Variants in KCNQ5 observed in about 807,000 individuals in gnomAD.
KCNQ5 encodes the protein potassium voltage-gated channel subfamily Q member 5.
KCNQ5 carries 30 observed loss-of-function variants against 98.2 expected under a neutral mutation model. The ratio of observed to expected loss-of-function variants is 0.31; its 90% CI spans 0.23 to 0.41. The LOEUF (loss-of-function observed/expected upper bound fraction) is 0.41, where lower values mean the gene tolerates loss of function less well. Among genes scored for constraint, KCNQ5 ranks in the 10% least tolerant of loss-of-function variants. The pLI is 1.00. For missense variants in KCNQ5, 835 were observed against 1,182.5 expected (o/e 0.71, Z 4.31); for synonymous variants, 458 against 449.4 (o/e 1.02, Z -0.24).
At chr6:73,048,336 C>T (rs1408914234) in intron 3 of KCNQ5, among the ~76,000 whole-genome samples, 2 of 152,144 alleles carry the variant, frequency 1.3e-5, no homozygotes, top group East Asian at 3.8e-4. Context: ...ATTATTAACA[C>T]TTGATGAGCT....
At position 72,755,037 on chromosome 6, in the gene KCNQ5, T is replaced by A. The variant is rs76492390; in HGVS notation, c.398+132450T>A. 4.3e-3 allele frequency among the ~76,000 whole-genome samples: 659 copies of A among 152,146 alleles called. 12 individuals carry two copies. The highest frequency in any genetic ancestry group is 0.034 in the East Asian group (174 of 5,182). ...TTATGAAGTTCTGTTGTTAAATATATTCAGGTTTTTACATATTATTAAAGA... is the reference window on the plus strand; with the variant it reads ...TTATGAAGTTCTGTTGTTAAATATAATCAGGTTTTTACATATTATTAAAGA... On this transcript the variant is annotated intron_variant, in intron 1 of 13. Coordinates refer to ENST00000370398, the MANE Select transcript of KCNQ5 (RefSeq NM_019842.4).
intron 1 of KCNQ5, among the ~76,000 whole-genome samples, chr6:72,681,824 C>T (rs1767725344): frequency 6.6e-6 from 1 of 152,210 alleles, no homozygotes; most frequent in Admixed American, 6.5e-5. Flanking sequence ...GTGCCCCTTT[C>T]TGACTTATAG....
intron 1 of KCNQ5, among the ~76,000 whole-genome samples, chr6:72,779,607 A>C (rs976583632): frequency 6.6e-6 from 1 of 152,094 alleles, no homozygotes; most frequent in Non-Finnish European, 1.5e-5. Context: ...CCGAGGAAAA[A>C]AATAAGAAGA....
At chr6:73,056,598 T>C (rs1304931603) in intron 3 of KCNQ5, among the ~76,000 whole-genome samples, 2 of 152,144 alleles carry the variant, frequency 1.3e-5, no homozygotes, top group Non-Finnish European at 2.9e-5. Context: ...CCCTGCCTTG[T>C]TTCATGGCAG....
chr6:72,971,641 T>A (rs868217589), intron 1 of KCNQ5, among the ~76,000 whole-genome samples: 1 of 152,342 alleles, frequency 6.6e-6, no homozygotes, highest in African/African-American at 2.4e-5. Flanking sequence ...ATATACACCA[T>A]GGAATACTTT....
chr6:72,700,291 ATATCTATCTATCTATCTATC>A (rs70994146), intron 1 of KCNQ5, among the ~76,000 whole-genome samples: 141 of 149,176 alleles, frequency 9.5e-4, no homozygotes, highest in African/African-American at 3.0e-3. Context: ...CTATATATCT[ATATCTATCTATCTATCTATC>A]TATCTATCTA....
At chr6:72,784,099 T>C (rs4707991) in intron 1 of KCNQ5, among the ~76,000 whole-genome samples, 112,857 of 152,040 alleles carry the variant, frequency 0.74, 42,721 homozygotes, top group African/African-American at 0.9. Flanking sequence ...GGCAATCTCA[T>C]CCCTCCTCGA....
chr6:72,883,475 T>G (rs1274669857), intron 1 of KCNQ5, among the ~76,000 whole-genome samples: 1 of 152,144 alleles, frequency 6.6e-6, no homozygotes, highest in Non-Finnish European at 1.5e-5. Flanking sequence ...AGATTCCTCT[T>G]GGAAATTCAG....
intron 1 of KCNQ5, chr6:72,987,423 T>C: frequency 1.4e-6 from 1 of 694,692 alleles, no homozygotes; most frequent in South Asian, 1.4e-5. Flanking sequence ...GGGAACCTAG[T>C]TTGGCCAGTG....
intron 1 of KCNQ5, among the ~76,000 whole-genome samples, chr6:72,784,113 G>A (rs113827366): frequency 1.3e-5 from 2 of 152,042 alleles, no homozygotes; most frequent in African/African-American, 2.4e-5. Context: ...TCCTCGAATC[G>A]TCAACCCTTC....
rs1189349638 is a variant in KCNQ5, at chr6:73,108,680, A to G, written c.1030-2628A>G. 2.0e-5 allele frequency among the ~76,000 whole-genome samples: 3 copies of G among 152,064 alleles called. No individual in the cohort carries two copies. The East Asian group carries it at 5.8e-4, about 29-fold the overall frequency. ...TATCTACTAAAAAATACAAAAAATC[A>G]GCCAGGCGTGGTGGCGGGCACCTGT... On this transcript the variant is annotated intron_variant, in intron 6 of 13. Transcript: ENST00000370398.
intron 1 of KCNQ5, among the ~76,000 whole-genome samples, chr6:72,811,153 C>A (rs201793335): frequency 6.6e-6 from 1 of 152,178 alleles, no homozygotes; most frequent in African/African-American, 2.4e-5. Flanking sequence ...AGCCTTCGTG[C>A]AAAATAAGCT....
chr6:73,057,511 A>G (rs920985728), intron 3 of KCNQ5, among the ~76,000 whole-genome samples: 1 of 152,106 alleles, frequency 6.6e-6, no homozygotes, highest in African/African-American at 2.4e-5. Context: ...AAAATTTAAA[A>G]AATGAATAAA....
chr6:73,130,108 G>T (rs1299110634), intron 9 of KCNQ5, among the ~76,000 whole-genome samples: 1 of 152,230 alleles, frequency 6.6e-6, no homozygotes, highest in African/African-American at 2.4e-5. Flanking sequence ...CTTGTGGTTG[G>T]ACAACTGCTG....
chr6:72,841,621 A>G (rs1776795617), intron 1 of KCNQ5, among the ~76,000 whole-genome samples: 1 of 152,194 alleles, frequency 6.6e-6, no homozygotes, highest in Admixed American at 6.5e-5. Flanking sequence ...TGCTCTTTCT[A>G]TTCCCCATAA....
intron 1 of KCNQ5, among the ~76,000 whole-genome samples, chr6:72,966,598 A>AG (rs1562098560): frequency 5.9e-5 from 9 of 152,008 alleles, no homozygotes; most frequent in South Asian, 2.1e-4. Flanking sequence ...GAGAGAGAGA[A>AG]AAAAAAGAAA....
chr6:72,720,093 T>C (rs185405974), intron 1 of KCNQ5, among the ~76,000 whole-genome samples: 10 of 152,204 alleles, frequency 6.6e-5, no homozygotes, highest in Non-Finnish European at 1.5e-4. Context: ...CATGCCACCA[T>C]GTGGCCTCTG....
intron 1 of KCNQ5, among the ~76,000 whole-genome samples, chr6:72,880,903 G>T (rs2150172706): frequency 6.6e-6 from 1 of 152,222 alleles, no homozygotes; most frequent in South Asian, 2.1e-4. Context: ...TTAAGTGGTA[G>T]GATTGATAGC....
chr6:72,776,607 C>T (rs1773172852), intron 1 of KCNQ5, among the ~76,000 whole-genome samples: 1 of 152,144 alleles, frequency 6.6e-6, no homozygotes, highest in Non-Finnish European at 1.5e-5. Flanking sequence ...TAGTTCAGCT[C>T]CTTAACTTCA....
Sources: allele counts gnomAD v4.1 joint callset (sites outside exome capture counted in the v4.1 genomes callset), GRCh38; gene constraint gnomAD v4.1.1; transcripts MANE v1.5; gene names NCBI Gene and HGNC (gene_info 2026-07-23, HGNC 2026-07-21).